RPS6KA5: variants seen among roughly 807,000 people sequenced by gnomAD.
RPS6KA5 encodes ribosomal protein S6 kinase alpha-5.
RPS6KA5 carries 27 observed loss-of-function variants against 85.5 expected under a neutral mutation model. The observed-to-expected ratio is 0.32, with a 90% CI of 0.23 to 0.44. The LOEUF (loss-of-function observed/expected upper bound fraction) is 0.44. RPS6KA5 is among the 20% of genes least tolerant of loss of function. The pLI, the probability that RPS6KA5 is intolerant of heterozygous loss-of-function variation, is 1.00. For synonymous variants in RPS6KA5, 334 were observed against 348.2 expected (o/e 0.96, Z 0.46); for missense variants, 811 against 980.9 (o/e 0.83, Z 2.31).
At chr14:91,001,932 A>C (rs1242243640) in intron 1 of RPS6KA5, among the ~76,000 whole-genome samples, 1 of 152,166 alleles carries the variant, frequency 6.6e-6, no homozygotes, top group Non-Finnish European at 1.5e-5. Context: ...AACAAAGTTA[A>C]ACGATTTCTT....
In RPS6KA5 at chr14:90,903,077, A is replaced by C. The variant is rs932704211; in HGVS notation, c.958-108T>G. ...TGACTGGTAGGGAGAGAGGATAAAAATAAGAGAACATATTTCAAATCAATA... is the reference window on the plus strand; with the variant it reads ...TGACTGGTAGGGAGAGAGGATAAAACTAAGAGAACATATTTCAAATCAATA... On this transcript the variant is annotated intron_variant, in intron 8 of 16. Coordinates refer to ENST00000614987, the MANE Select transcript of RPS6KA5 (RefSeq NM_004755.4). The C allele has an allele frequency of 1.1e-5, 10 of 882,546 alleles. No individual in the cohort carries two copies. In the Admixed American group the frequency reaches 2.2e-4, roughly 20 times the overall value. The allele number at this position is 882,546 out of a possible 1,614,324, so 54.7% of individuals were successfully genotyped here.
chr14:90,900,123 T>C lies in RPS6KA5; in HGVS notation c.1364A>G (p.Lys455Arg). ...HKKSNQAFAV[K>R]IISKRMEANT... Reference sequence around the variant, plus strand: ...ATGGTCATACCTTTTGCTGATTATTTTGACTGCAAAAGCTTGGTTACTTTT... The same window carrying C: ...ATGGTCATACCTTTTGCTGATTATTCTGACTGCAAAAGCTTGGTTACTTTT... The change falls in exon 11 of 17, where the codon AAA (lysine) becomes AGA (arginine). Residue 455 changes from lysine (K) to arginine (R), a missense_variant. This residue lies in a region of RPS6KA5 where 650 missense variants were observed against 793.4 expected (regional missense o/e 0.82). Coordinates refer to ENST00000614987, the MANE Select transcript of RPS6KA5 (RefSeq NM_004755.4). 1 of 1,600,510 alleles carries C rather than the reference T, an allele frequency of 6.2e-7. No individual in the cohort carries two copies. Among genetic ancestry groups the C allele is most frequent in the South Asian group, 1.1e-5 (1 of 87,758 alleles).
At chr14:91,056,576 T>TACAG (rs1218753133) in intron 1 of RPS6KA5, among the ~76,000 whole-genome samples, 1 of 152,082 alleles carries the variant, frequency 6.6e-6, no homozygotes, top group Non-Finnish European at 1.5e-5. Context: ...GTGGACAAAA[T>TACAG]ACAGACAATG....
chr14:90,921,680 T>A (rs2036405964), intron 6 of RPS6KA5, among the ~76,000 whole-genome samples: 1 of 152,214 alleles, frequency 6.6e-6, no homozygotes, highest in African/African-American at 2.4e-5. Flanking sequence ...AGATCAATAA[T>A]CAGATTCTTA....
rs895934319 is a variant in RPS6KA5 at position 90,849,679 on chromosome 14, G to C, written c.*22395C>G. The C allele has an allele frequency of 4.6e-5, 7 of 152,190 alleles. No homozygotes were observed. Among genetic ancestry groups the C allele is most frequent in the Non-Finnish European group, 1.0e-4 (7 of 68,098 alleles). The allele number at this position is 152,190 out of a possible 1,614,324, so 9.4% of individuals were successfully genotyped here. A position where few individuals can be genotyped will look rare whatever the true frequency, so the allele number is the denominator to read the frequency against. ...GAGAGTCGGGGCTGGTGGGGAGGCA[G>C]AGAGAGAGAAAGGAAAGGCCAAAAG... On this transcript the variant is annotated 3_prime_UTR_variant, in exon 17 of 17. Transcript: ENST00000614987.
At chr14:90,996,389 T>C (rs1397811838) in intron 2 of RPS6KA5, among the ~76,000 whole-genome samples, 1 of 152,130 alleles carries the variant, frequency 6.6e-6, no homozygotes, top group African/African-American at 2.4e-5. Flanking sequence ...ATGGTTCTTG[T>C]TATGTACTAT....
Position 90,857,933 on chromosome 14 carries a change from AT to A in RPS6KA5, c.*14140del, listed in dbSNP as rs2032364801. ...AACTATTTAATGGACAAAGGAACAA[AT>A]GAATAAACCGGGTGCCTTCACATAT... On this transcript the variant is annotated 3_prime_UTR_variant, in exon 17 of 17. Transcript: ENST00000614987. The A allele has an allele frequency of 6.6e-6, 1 of 152,216 alleles. No homozygotes were observed. The highest frequency in any genetic ancestry group is 1.5e-5 in the Non-Finnish European group (1 of 68,030). The allele number at this position is 152,216 out of a possible 1,614,324, so 9.4% of individuals were successfully genotyped here.
At chr14:91,034,674 C>A (rs2042328651) in intron 1 of RPS6KA5, among the ~76,000 whole-genome samples, 1 of 152,190 alleles carries the variant, frequency 6.6e-6, no homozygotes, top group Non-Finnish European at 1.5e-5. Flanking sequence ...GCTCGGGTCC[C>A]CTTTCACGCT....
At chr14:91,037,618 C>A (rs559299269) in intron 1 of RPS6KA5, among the ~76,000 whole-genome samples, 1 of 152,250 alleles carries the variant, frequency 6.6e-6, no homozygotes, top group Admixed American at 6.5e-5. Flanking sequence ...TTCTAAAACT[C>A]TCTCTTCTCT....
chr14:90,915,170 T>C (rs1465832267), intron 7 of RPS6KA5, among the ~76,000 whole-genome samples: 3 of 152,168 alleles, frequency 2.0e-5, no homozygotes, highest in Admixed American at 2.0e-4. Flanking sequence ...GCAACATATC[T>C]CAAAATTAAT....
At chr14:91,059,952 C>T in intron 1 of RPS6KA5, 1 of 852,418 alleles carries the variant, frequency 1.2e-6, no homozygotes, top group Non-Finnish European at 1.4e-6. Context: ...AAACAAAGCG[C>T]CGCTCGCCCC....
chr14:90,954,705 T>C (rs1230507438), intron 3 of RPS6KA5, among the ~76,000 whole-genome samples: 2 of 152,222 alleles, frequency 1.3e-5, no homozygotes, highest in African/African-American at 4.8e-5. Context: ...TGAGCCACCG[T>C]ACTAGGCCTG....
intron 1 of RPS6KA5, among the ~76,000 whole-genome samples, chr14:91,022,457 T>G (rs1035414955): frequency 7.9e-5 from 12 of 152,214 alleles, no homozygotes; most frequent in African/African-American, 2.4e-4. Flanking sequence ...CTCACTTCTC[T>G]GTGTCTTTCC....
rs981814562 is a variant in RPS6KA5, at chr14:90,934,410, A to C, written c.618+8668T>G. On this transcript the variant is annotated intron_variant, in intron 5 of 16. Coordinates refer to ENST00000614987, the MANE Select transcript of RPS6KA5 (RefSeq NM_004755.4). ...ATTTATGAATTCTTATTATTCTAGG[A>C]TATCTTTTGCCCTTATGGACTTTAA... 2.6e-5 allele frequency among the ~76,000 whole-genome samples: 4 copies of C among 152,290 alleles called. No homozygotes were observed. The South Asian group carries it at 8.3e-4, about 32-fold the overall frequency.
chr14:90,997,542 A>G (rs768251045), intron 2 of RPS6KA5, among the ~76,000 whole-genome samples: 5 of 152,104 alleles, frequency 3.3e-5, no homozygotes, highest in African/African-American at 4.8e-5. Flanking sequence ...CACCATGCCC[A>G]ACCAATTTTT....
chr14:91,047,666 T>C (rs988421477), intron 1 of RPS6KA5, among the ~76,000 whole-genome samples: 1 of 152,218 alleles, frequency 6.6e-6, no homozygotes, highest in African/African-American at 2.4e-5. Flanking sequence ...AAAATTAACA[T>C]AAACCTCACG....
chr14:90,877,984 C>T lies in RPS6KA5; in HGVS notation c.1837-2624G>A, dbSNP rs116857525. On this transcript the variant is annotated intron_variant, in intron 14 of 16. Transcript: ENST00000614987. ...TGGTTAATAAGTTTGTCTCTTAATG[C>T]TTCCCCTCTATGGAAAGAATCCTTT... 4.2e-3 allele frequency among the ~76,000 whole-genome samples: 634 copies of T among 152,344 alleles called. 2 individuals carry two copies. The highest frequency in any genetic ancestry group is 0.02 in the Middle Eastern group (6 of 294).
At chr14:90,967,195 T>C (rs1349599266) in intron 3 of RPS6KA5, among the ~76,000 whole-genome samples, 1 of 152,202 alleles carries the variant, frequency 6.6e-6, no homozygotes, top group East Asian at 1.9e-4. Context: ...CAATGATTTG[T>C]TTCTTGATTA....
At chr14:90,898,585 A>G (rs763379130) in intron 12 of RPS6KA5, among the ~76,000 whole-genome samples, 22 of 152,222 alleles carry the variant, frequency 1.4e-4, no homozygotes, top group Non-Finnish European at 1.6e-4. Context: ...CAGTTTCTTT[A>G]TTGGTAAAAT....
Sources: gnomAD v4.1 joint callset for allele counts (sites outside exome capture counted in the v4.1 genomes callset) on GRCh38, gnomAD v4.1.1 for gene constraint, gnomAD v4.1.1 regional missense constraint, MANE v1.5 for transcripts, NCBI Gene and HGNC (gene_info 2026-07-23, HGNC 2026-07-21) for gene names.